Variants in ACTMAP observed in about 807,000 individuals in gnomAD.
ACTMAP encodes UPF0692 protein C19orf54.
chr19:40,742,671 G>A, the ACTMAP span: 1 of 1,613,276 alleles, frequency 6.2e-7, no homozygotes, highest in South Asian at 1.1e-5. Flanking sequence ...CAGGGATGGT[G>A]GTTGGCAGGG....
the ACTMAP span, chr19:40,750,233 G>C: frequency 6.5e-6 from 1 of 154,956 alleles, no homozygotes; most frequent in South Asian, 1.9e-4. Flanking sequence ...GGAGAACTTA[G>C]GTTCAGTACC....
the ACTMAP span, chr19:40,744,200 C>T: frequency 1.9e-6 from 3 of 1,565,416 alleles, 1 homozygote; most frequent in Non-Finnish European, 2.6e-6. Context: ...TCGGCCACTG[C>T]AGGGTGAGAG....
At chr19:40,746,917 C>T in the ACTMAP span, among the ~76,000 whole-genome samples, 2 of 152,164 alleles carry the variant, frequency 1.3e-5, no homozygotes, top group African/African-American at 2.4e-5. Flanking sequence ...AGCAATTCTC[C>T]TGCTTCAGCC....
At chr19:40,741,624 A>G in the ACTMAP span, 2 of 421,938 alleles carry the variant, frequency 4.7e-6, no homozygotes, top group Admixed American at 5.0e-5. Context: ...GTTTGTGGTC[A>G]GCACCATAAT....
chr19:40,743,817 C>G, the ACTMAP span: 2 of 1,530,782 alleles, frequency 1.3e-6, no homozygotes, highest in South Asian at 2.3e-5. Context: ...TGGGGAGGCA[C>G]CAGCACAAGG....
the ACTMAP span, chr19:40,749,595 C>G: frequency 0.74 from 1,139,965 of 1,550,590 alleles, 421,161 homozygotes; most frequent in African/African-American, 0.88. Flanking sequence ...GAAGACATGA[C>G]GGGGAGCAGG....
At chr19:40,745,162 T>G in the ACTMAP span, 7 of 1,551,754 alleles carry the variant, frequency 4.5e-6, no homozygotes, top group Non-Finnish European at 6.1e-6. Context: ...ACGGCAGGTC[T>G]GCACAGAAGA....
chr19:40,744,678 C>T, the ACTMAP span: 324 of 1,609,034 alleles, frequency 2.0e-4, 1 homozygote, highest in Non-Finnish European at 2.7e-4. Context: ...GGCCACCAGC[C>T]CGCATCTGGG....
At chr19:40,743,978 G>A in the ACTMAP span, 26 of 1,614,046 alleles carry the variant, frequency 1.6e-5, no homozygotes, top group Non-Finnish European at 2.2e-5. Context: ...CGTCGTAGCT[G>A]GTGCTGGCAT....
At chr19:40,742,844 C>T in the ACTMAP span, 31 of 1,395,464 alleles carry the variant, frequency 2.2e-5, no homozygotes, top group Non-Finnish European at 2.6e-5. Flanking sequence ...TAAGTTCCGC[C>T]CTCTCCCGGC....
the ACTMAP span, chr19:40,749,824 T>C: frequency 1.4e-6 from 2 of 1,407,300 alleles, no homozygotes; most frequent in East Asian, 2.7e-5. Flanking sequence ...ACAGGAGGTG[T>C]TGAGAGGTTC....
At chr19:40,742,590 C>A in the ACTMAP span, 1 of 1,609,888 alleles carries the variant, frequency 6.2e-7, no homozygotes, top group Non-Finnish European at 8.5e-7. Context: ...GTCGTAGTCC[C>A]ACAGCTGATA....
At chr19:40,749,398 A>C in the ACTMAP span, 52 of 1,363,458 alleles carry the variant, frequency 3.8e-5, no homozygotes, top group Non-Finnish European at 5.2e-5. Context: ...TCTTGAGGAC[A>C]CGGGAACCCC....
chr19:40,744,246 G>A, the ACTMAP span: 133 of 1,495,576 alleles, frequency 8.9e-5, no homozygotes, highest in African/African-American at 1.2e-3. Flanking sequence ...GCCCAGCACC[G>A]TGCTGAGGGC....
At chr19:40,744,266 G>A in the ACTMAP span, 171 of 1,472,388 alleles carry the variant, frequency 1.2e-4, no homozygotes, top group Non-Finnish European at 1.5e-4. Context: ...CTCACAGTGG[G>A]CGATGCTTCC....
chr19:40,743,054 T>C, the ACTMAP span, among the ~76,000 whole-genome samples: 1 of 152,084 alleles, frequency 6.6e-6, no homozygotes, highest in African/African-American at 2.4e-5. Flanking sequence ...TCCTCAGCTC[T>C]TTAGGGAAGA....
At chr19:40,744,442 G>C in the ACTMAP span, 1 of 1,502,500 alleles carries the variant, frequency 6.7e-7, no homozygotes, top group South Asian at 1.2e-5. Context: ...ACTGGGCAGT[G>C]GGAAGGGCCC....
the ACTMAP span, chr19:40,741,037 GT>G: frequency 2.5e-6 from 1 of 398,728 alleles, no homozygotes; most frequent in Non-Finnish European, 4.4e-6. Flanking sequence ...AGGGGACACA[GT>G]GGTGAGCAAG....
chr19:40,742,820 G>A, the ACTMAP span: 1 of 1,523,638 alleles, frequency 6.6e-7, no homozygotes, highest in African/African-American at 1.4e-5. Context: ...CCAGGACCAG[G>A]TGCTGGGGCT....
Sources: gnomAD v4.1 joint callset for allele counts (sites outside exome capture counted in the v4.1 genomes callset) on GRCh38, gnomAD v4.1.1 for gene constraint, MANE v1.5 for transcripts, NCBI Gene and HGNC (gene_info 2026-07-23, HGNC 2026-07-21) for gene names.